The following DMD variants were observed in gnomAD, a reference collection of about 807,000 sequenced individuals.
DMD encodes the protein dystrophin, also known as mutant dystrophin.
In DMD, 63 loss-of-function variants were observed where a neutral mutation model predicts 330.1. The ratio of observed to expected loss-of-function variants is 0.19; its 90% CI spans 0.16 to 0.24. The LOEUF is 0.24. Among genes scored for constraint, DMD ranks in the 10% least tolerant of loss-of-function variants. The probability of loss-of-function intolerance (pLI) is 1.00; values close to 1 mark genes in which losing one functional copy is unlikely to be tolerated. For synonymous variants in DMD, 1,223 were observed against 959.8 expected (o/e 1.27, Z -5.07); for missense variants, 3,344 against 2,684.1 (o/e 1.25, Z -5.43).
intron 47 of DMD, among the ~76,000 whole-genome samples, chrX:31,920,050 G>A (rs1453173685): frequency 1.8e-5 from 2 of 112,199 alleles, no homozygotes; most frequent in African/African-American, 6.5e-5. Flanking sequence ...TATAAGCCTT[G>A]GCAGGTGGTA....
intron 13 of DMD, among the ~76,000 whole-genome samples, chrX:32,587,365 C>A (rs1305700939): frequency 1.8e-5 from 2 of 112,087 alleles, no homozygotes; most frequent in African/African-American, 6.5e-5. Flanking sequence ...AGAGATGTTA[C>A]CATTAAATGT....
At chrX:32,922,936 C>A (rs1391726645) in intron 2 of DMD, among the ~76,000 whole-genome samples, 2 of 112,038 alleles carry the variant, frequency 1.8e-5, no homozygotes, top group Non-Finnish European at 3.8e-5. Flanking sequence ...AAAAAGTTTT[C>A]CCTTATTAAA....
At chrX:32,753,801 G>A (rs1036021529) in intron 7 of DMD, among the ~76,000 whole-genome samples, 4 of 111,634 alleles carry the variant, frequency 3.6e-5, no homozygotes, top group Non-Finnish European at 5.6e-5. Flanking sequence ...ATGTTAATAT[G>A]TTCTTGAGGG....
chrX:32,617,306 A>G (rs1659519046), intron 11 of DMD, among the ~76,000 whole-genome samples: 1 of 111,708 alleles, frequency 9.0e-6, no homozygotes, highest in South Asian at 3.7e-4. Flanking sequence ...ACTAAGGTCA[A>G]AGTACGCAAC....
intron 47 of DMD, among the ~76,000 whole-genome samples, chrX:31,898,404 C>A (rs1322417920): frequency 2.7e-5 from 3 of 110,441 alleles, no homozygotes; most frequent in African/African-American, 6.6e-5. Context: ...CAGCATGGTA[C>A]TGGTACCAAA....
rs190834518 is a variant in DMD, at chrX:33,174,580, G to A, written c.31+36702C>T. On this transcript the variant is annotated intron_variant, in intron 1 of 78. Coordinates refer to ENST00000357033, the MANE Select transcript of DMD (RefSeq NM_004006.3). ...CCAGATGAACAATCCAGATATAGGG[G>A]AAAGTGATTACACCTTGTACTGGGA... Among the ~76,000 whole-genome samples the A allele has an allele frequency of 2.7e-5, 3 of 111,281 alleles. No homozygotes were observed. In the Admixed American group the frequency reaches 2.9e-4, roughly 11 times the overall value.
intron 44 of DMD, among the ~76,000 whole-genome samples, chrX:32,033,653 G>GAAAGAAAGAAGAAAGAAAGAAAGAAAGA (rs201179363): frequency 3.4e-5 from 2 of 59,086 alleles, no homozygotes; most frequent in African/African-American, 1.4e-4. Flanking sequence ...AAGAAAGAAA[G>GAAAGAAAGAAGAAAGAAAGAAAGAAAGA]AAGAAAGAAA....
rs888226259 is a variant in DMD at position 32,572,752 on chromosome X, C to G, written c.1812+778G>C. Among the ~76,000 whole-genome samples the G allele has an allele frequency of 3.6e-5, 4 of 110,497 alleles. No individual in the cohort carries two copies. In the East Asian group the frequency reaches 1.1e-3, roughly 32 times the overall value. On this transcript the variant is annotated intron_variant, in intron 15 of 78. Transcript: ENST00000357033. ...TTGTTTGGATCTCTGTTCTCCAAAT[C>G]TCATGTTGAAATGTGATTCCCAGCA...
chrX:33,193,207 T>G (rs1200773280), intron 1 of DMD, among the ~76,000 whole-genome samples: 1 of 111,583 alleles, frequency 9.0e-6, no homozygotes. Flanking sequence ...CTCAGGAGGC[T>G]GAGACAGGAG....
chrX:31,262,168 A>C (rs2050587867), intron 62 of DMD, among the ~76,000 whole-genome samples: 1 of 112,451 alleles, frequency 8.9e-6, no homozygotes, highest in Non-Finnish European at 1.9e-5. Context: ...GGATTAGTTG[A>C]AATAGGTAAG....
chrX:33,184,396 G>A (rs1403871813), intron 1 of DMD, among the ~76,000 whole-genome samples: 1 of 110,854 alleles, frequency 9.0e-6, no homozygotes, highest in Admixed American at 9.6e-5. Flanking sequence ...TACGAAATCC[G>A]ATTTTGAAAT....
chrX:32,599,883 G>A (rs1357074051), intron 12 of DMD, among the ~76,000 whole-genome samples: 1 of 111,818 alleles, frequency 8.9e-6, no homozygotes, highest in Non-Finnish European at 1.9e-5. Flanking sequence ...TGTTACCAAT[G>A]TTTGTTGTCA....
At chrX:31,508,435 GTGTGGA>G (rs939840249) in intron 55 of DMD, 5 of 354,977 alleles carry the variant, frequency 1.4e-5, no homozygotes, top group African/African-American at 1.3e-4. Flanking sequence ...GTAGCCAGGC[GTGTGGA>G]TGTGGGAGGA....
chrX:32,109,948 A>G (rs1183419282), intron 44 of DMD, among the ~76,000 whole-genome samples: 1 of 111,779 alleles, frequency 8.9e-6, no homozygotes, highest in Non-Finnish European at 1.9e-5. Flanking sequence ...TAACACCAAC[A>G]TCAAAATCTA....
intron 55 of DMD, among the ~76,000 whole-genome samples, chrX:31,620,010 C>G (rs975269983): frequency 1.8e-5 from 2 of 112,284 alleles, no homozygotes; most frequent in Admixed American, 1.9e-4. Flanking sequence ...TCCCCATTGA[C>G]TCCCTTTTCT....
chrX:32,815,168 A>T (rs1241294184), intron 6 of DMD, among the ~76,000 whole-genome samples: 1 of 110,649 alleles, frequency 9.0e-6, no homozygotes, highest in African/African-American at 3.3e-5. Flanking sequence ...GGTTAATTAA[A>T]TCCAGCTGGA....
At chrX:32,365,341 T>A in intron 34 of DMD, 142 bp from the exon 35 acceptor site, 1 of 526,533 alleles carries the variant, frequency 1.9e-6, no homozygotes, top group Non-Finnish European at 3.1e-6. Context: ...ATGAAAACCA[T>A]ACCATATATA....
At chrX:32,544,951 T>C (rs1404044546) in intron 17 of DMD, among the ~76,000 whole-genome samples, 10 of 111,342 alleles carry the variant, frequency 9.0e-5, no homozygotes, top group Non-Finnish European at 1.3e-4. Flanking sequence ...GAAAACACCA[T>C]TTCCATTAAG....
intron 2 of DMD, among the ~76,000 whole-genome samples, chrX:32,882,930 A>G (rs1359870484): frequency 2.7e-5 from 3 of 112,400 alleles, no homozygotes; most frequent in Admixed American, 1.9e-4. Context: ...GAGTGTATGC[A>G]GCTTTCTTAA....
Sources: gnomAD v4.1 joint callset for allele counts (sites outside exome capture counted in the v4.1 genomes callset) on GRCh38, gnomAD v4.1.1 for gene constraint, MANE v1.5 for transcripts, NCBI Gene and HGNC (gene_info 2026-07-23, HGNC 2026-07-21) for gene names.